MTAP: variants seen among roughly 807,000 people sequenced by gnomAD.
MTAP encodes methylthioadenosine phosphorylase.
MTAP carries 33 observed loss-of-function variants against 33.6 expected under a neutral mutation model. The ratio of observed to expected loss-of-function variants is 0.98; its 90% confidence interval spans 0.74 to 1.31. The LOEUF (loss-of-function observed/expected upper bound fraction) is 1.31. Ranked by LOEUF, MTAP falls within the 40% of genes most tolerant of loss-of-function variation. The probability of loss-of-function intolerance (pLI) is 0.00; values close to 1 mark genes in which losing one functional copy is unlikely to be tolerated. For synonymous variants in MTAP, 148 were observed against 125.7 expected, an observed-to-expected ratio of 1.18 and a Z score of -1.19; for missense variants, 367 against 360.0, an observed-to-expected ratio of 1.02 and a Z score of -0.16.
rs77757164 is a variant in MTAP at position 21,803,796 on chromosome 9, C to G, written c.33+1015C>G. Among the ~76,000 whole-genome samples, 891 of 152,204 alleles carry G rather than the reference C, an allele frequency of 5.9e-3. 4 individuals carry two copies. Among genetic ancestry groups the G allele is most frequent in the African/African-American group, 0.02 (842 of 41,512 alleles). ...AGGTCTGCGATCTTCTCCAAAGCAT[C>G]TCGATTCCCTACACTCGACTGCAGT... On this transcript the variant is annotated intron_variant, in intron 1 of 7. Coordinates refer to ENST00000644715, the MANE Select transcript of MTAP (RefSeq NM_002451.4).
intron 1 of MTAP, among the ~76,000 whole-genome samples, chr9:21,804,187 G>C (rs958698235): frequency 2.6e-5 from 4 of 152,192 alleles, no homozygotes; most frequent in Non-Finnish European, 5.9e-5. Context: ...AGCTTATTAA[G>C]TGGTAGTGCT....
At chr9:21,906,960 A>G (rs1818487020) in intron 1 of MTAP, among the ~76,000 whole-genome samples, 1 of 152,234 alleles carries the variant, frequency 6.6e-6, no homozygotes, top group Non-Finnish European at 1.5e-5. Context: ...TGTCCTGGAA[A>G]CTGAAAGATG....
chr9:21,846,061 G>T (rs866660735), intron 5 of MTAP, among the ~76,000 whole-genome samples: 1 of 152,202 alleles, frequency 6.6e-6, no homozygotes, highest in African/African-American at 2.4e-5. Context: ...TGGCAAGCCA[G>T]ATGTAGAAGA....
downstream of MTAP, among the ~76,000 whole-genome samples, chr9:21,867,729 A>G (rs1038748489): frequency 6.6e-6 from 1 of 152,030 alleles, no homozygotes; most frequent in African/African-American, 2.4e-5. Context: ...CGACAGCCTG[A>G]GTTGTTTATA....
At chr9:21,869,418 G>A (rs1312105557), downstream of MTAP, among the ~76,000 whole-genome samples, 1 of 152,046 alleles carries the variant, frequency 6.6e-6, no homozygotes, top group Non-Finnish European at 1.5e-5. Flanking sequence ...GGCTTCCAAG[G>A]ACACCACACT....
Position 21,839,410 on chromosome 9 carries a change from G to A in MTAP, c.450+1400G>A, listed in dbSNP as rs552847232. ...GTCTAAGGAGAGAATATGCATGCTCGTATGAATCTGAGGTCAGTTCTCAGG... is the reference window on the plus strand; with the variant it reads ...GTCTAAGGAGAGAATATGCATGCTCATATGAATCTGAGGTCAGTTCTCAGG... On this transcript the variant is annotated intron_variant, in intron 5 of 7. Transcript: ENST00000644715. Among the ~76,000 whole-genome samples the A allele has an allele frequency of 5.6e-4, 86 of 152,276 alleles. No homozygotes were observed. The South Asian group carries it at 0.012, about 21-fold the overall frequency.
chr9:21,805,582 A>G lies in MTAP; in HGVS notation c.33+2801A>G, dbSNP rs117552392. Among the ~76,000 whole-genome samples, 829 of 152,300 alleles carry G rather than the reference A, an allele frequency of 5.4e-3. 5 individuals are homozygous for G. The highest frequency in any genetic ancestry group is 9.1e-3 in the Non-Finnish European group (621 of 68,016). ...TCTGTATGTTGAAACCTAATCGCCA[A>G]TGTGATGGTATTAGAAGATGGGGCC... On this transcript the variant is annotated intron_variant, in intron 1 of 7. Transcript: ENST00000644715.
chr9:21,821,786 A>G lies in MTAP; in HGVS notation c.347+3584A>G, dbSNP rs182460179. 7.0e-4 allele frequency among the ~76,000 whole-genome samples: 106 copies of G among 152,330 alleles called. 1 individual carries two copies. The Middle Eastern group carries it at 0.01, about 15-fold the overall frequency. ...TTTTTTGGTTGGTAGGCTATTAATT[A>G]TTGCCTCAACTTCAGAGCCTGTTTG... On this transcript the variant is annotated intron_variant, in intron 4 of 7. Coordinates refer to ENST00000644715, the MANE Select transcript of MTAP (RefSeq NM_002451.4).
chr9:21,810,580 A>T (rs1824321252), intron 1 of MTAP, among the ~76,000 whole-genome samples: 1 of 152,166 alleles, frequency 6.6e-6, no homozygotes, highest in Non-Finnish European at 1.5e-5. Context: ...TCTTAAAGGT[A>T]CTACCTCCCA....
intron 4 of MTAP, among the ~76,000 whole-genome samples, chr9:21,835,176 G>A (rs1045988222): frequency 6.6e-6 from 1 of 152,004 alleles, no homozygotes; most frequent in Admixed American, 6.6e-5. Flanking sequence ...TTTTATAAGG[G>A]GTCTGATCCC....
intron 1 of MTAP, among the ~76,000 whole-genome samples, chr9:21,929,040 T>C (rs1409343747): frequency 6.6e-6 from 1 of 152,074 alleles, no homozygotes; most frequent in African/African-American, 2.4e-5. Flanking sequence ...TCATTAAAGC[T>C]TGGAAGGTTG....
chr9:21,924,887 G>T (rs766715368), intron 1 of MTAP, among the ~76,000 whole-genome samples: 9 of 152,238 alleles, frequency 5.9e-5, no homozygotes, highest in Non-Finnish European at 8.8e-5. Context: ...CCTGACAAAT[G>T]CATCAAAGGG....
intron 7 of MTAP, 158 bp downstream of exon 7, chr9:21,859,583 G>A: frequency 1.4e-6 from 1 of 710,082 alleles, no homozygotes; most frequent in Non-Finnish European, 2.1e-6. Context: ...AACCACTTGT[G>A]AAACTGAGTA....
At chr9:21,895,774 C>T (rs1190528691) in intron 1 of MTAP, among the ~76,000 whole-genome samples, 1 of 152,204 alleles carries the variant, frequency 6.6e-6, no homozygotes, top group Non-Finnish European at 1.5e-5. Context: ...GGGTGTCTGC[C>T]ATTGCTGAGG....
At chr9:21,926,910 A>C (rs1818878627) in intron 1 of MTAP, among the ~76,000 whole-genome samples, 1 of 152,180 alleles carries the variant, frequency 6.6e-6, no homozygotes, top group Non-Finnish European at 1.5e-5. Context: ...CATCCTTAGA[A>C]TACCTACCCC....
intron 1 of MTAP, among the ~76,000 whole-genome samples, chr9:21,806,571 C>A (rs1158879927): frequency 6.6e-6 from 1 of 152,034 alleles, no homozygotes; most frequent in African/African-American, 2.4e-5. Flanking sequence ...GAGAGTAATT[C>A]AAGCAATCTT....
intron 4 of MTAP, among the ~76,000 whole-genome samples, chr9:21,822,984 G>T (rs1824685485): frequency 6.6e-6 from 1 of 152,144 alleles, no homozygotes; most frequent in Admixed American, 6.5e-5. Context: ...TTGCTTGGTA[G>T]ATCTTCCTCC....
chr9:21,906,953 C>T (rs1329655989), intron 1 of MTAP, among the ~76,000 whole-genome samples: 1 of 152,152 alleles, frequency 6.6e-6, no homozygotes, highest in African/African-American at 2.4e-5. Context: ...AACAGAATGT[C>T]CTGGAAACTG....
intron 4 of MTAP, among the ~76,000 whole-genome samples, chr9:21,821,560 C>T (rs1824639873): frequency 6.6e-6 from 1 of 152,216 alleles, no homozygotes; most frequent in African/African-American, 2.4e-5. Flanking sequence ...CATCGATGTT[C>T]ATCAGGGATA....
Sources: allele counts gnomAD v4.1 joint callset (sites outside exome capture counted in the v4.1 genomes callset), GRCh38; gene constraint gnomAD v4.1.1; transcripts MANE v1.5; gene names NCBI Gene and HGNC (gene_info 2026-07-23, HGNC 2026-07-21).